NOS1: variants seen among roughly 807,000 people sequenced by gnomAD.
NOS1 encodes nitric oxide synthase 1, also known as NOS type I.
A neutral mutation model predicts 164.5 loss-of-function variants in NOS1; 51 were observed. That is an observed-to-expected ratio of 0.31 (90% CI 0.25 to 0.39). The LOEUF is 0.39. NOS1 is among the 10% of genes least tolerant of loss of function. NOS1 has a pLI of 1.00. For missense variants in NOS1, 1,362 were observed against 1,885.6 expected (o/e 0.72, Z 5.14); for synonymous variants, 719 against 745.8 (o/e 0.96, Z 0.59).
chr12:117,278,041 G>C lies in NOS1; in HGVS notation c.1582C>G (p.Leu528Val). 1 of 1,614,108 alleles carries C rather than the reference G, an allele frequency of 6.2e-7. No individual in the cohort carries two copies. The highest frequency in any genetic ancestry group is 8.5e-7 in the Non-Finnish European group (1 of 1,179,970). The stretch of plus-strand genomic sequence containing the variant: ...GGGTCATTGCCGTTGGCCTGAAGCA[G>C]GAGCGGCAGGACATCGAAGCGGCCT... ...PRGRFDVLPL[L>V]LQANGNDPEL... The change falls in exon 9 of 29, where the codon CTG becomes GTG. Residue 528 changes from leucine (L) to valine (V), a missense_variant. Leu to Val is a conservative substitution (Grantham distance 32, BLOSUM62 1). Coordinates refer to ENST00000317775, the MANE Select transcript of NOS1 (RefSeq NM_000620.5).
chr12:117,234,906 CTATTATTAT>C lies in NOS1; in HGVS notation c.3042-157_3042-149del, dbSNP rs10588671. On this transcript the variant is annotated intron_variant, in intron 20 of 28. Coordinates refer to ENST00000317775, the MANE Select transcript of NOS1 (RefSeq NM_000620.5). This position sits in a 1 kb window ranked among gnomAD's most constrained non-coding sequence, Gnocchi z 4.3. Reference sequence around the variant, plus strand: ...TAACCAAGCCTATGCCCCCATCATTCTATTATTATTATTATTATTATTATTATGGTGAGA... The same window carrying C: ...TAACCAAGCCTATGCCCCCATCATTCTATTATTATTATTATTATGGTGAGA... The C allele has an allele frequency of 7.5e-5, 33 of 439,806 alleles. No homozygotes were observed. The highest frequency in any genetic ancestry group is 2.2e-4 in the East Asian group (6 of 27,322). 27.2% of individuals were successfully genotyped at this position (439,806 alleles called of 1,614,324 possible). A position where few individuals can be genotyped will look rare whatever the true frequency, so the allele number is the denominator to read the frequency against.
intron 16 of NOS1, among the ~76,000 whole-genome samples, chr12:117,257,807 T>C (rs1394728180): frequency 2.0e-5 from 3 of 149,790 alleles, no homozygotes; most frequent in Non-Finnish European, 4.5e-5. Flanking sequence ...ACAGTGCTTT[T>C]TTTTTTTTTT....
At chr12:117,280,085 G>C (rs1873508940) in intron 8 of NOS1, among the ~76,000 whole-genome samples, 1 of 152,182 alleles carries the variant, frequency 6.6e-6, no homozygotes, top group Admixed American at 6.5e-5. Context: ...TGTGGGCATG[G>C]TCCGTATAAG....
intron 6 of NOS1, among the ~76,000 whole-genome samples, chr12:117,285,635 G>A (rs1874058772): frequency 1.3e-5 from 2 of 151,838 alleles, no homozygotes; most frequent in Admixed American, 1.3e-4. Context: ...TACATTTTCT[G>A]TTAGGTTACT....
intron 10 of NOS1, among the ~76,000 whole-genome samples, chr12:117,271,200 G>C (rs546265945): frequency 6.6e-6 from 1 of 151,966 alleles, no homozygotes. Context: ...CAGGCATCAC[G>C]AAGCCCCCCA....
intron 7 of NOS1, among the ~76,000 whole-genome samples, chr12:117,283,024 A>C (rs1873797230): frequency 7.0e-6 from 1 of 143,764 alleles, no homozygotes. Context: ...TGCACAGATT[A>C]TTCCTATAAC....
chr12:117,238,149 C>A (rs1038724599), intron 20 of NOS1, among the ~76,000 whole-genome samples: 3 of 152,104 alleles, frequency 2.0e-5, no homozygotes, highest in African/African-American at 7.2e-5. Flanking sequence ...CCTGTCATGG[C>A]AAGGAGTTTG....
intron 1 of NOS1, among the ~76,000 whole-genome samples, chr12:117,353,249 CATCT>C (rs201583232): frequency 0.011 from 1,603 of 152,248 alleles, 17 homozygotes; most frequent in Non-Finnish European, 0.016. Context: ...ATCTATCAAT[CATCT>C]ATCTACCTAC....
intron 2 of NOS1, among the ~76,000 whole-genome samples, chr12:117,319,416 C>T (rs956203683): frequency 2.0e-5 from 3 of 152,208 alleles, no homozygotes; most frequent in Admixed American, 6.5e-5. Context: ...AGGAGAGGGC[C>T]TTTGGGCTCT....
At chr12:117,353,811 A>T (rs2136096491) in intron 1 of NOS1, among the ~76,000 whole-genome samples, 1 of 152,236 alleles carries the variant, frequency 6.6e-6, no homozygotes, top group Admixed American at 6.5e-5. Context: ...ACGAAAACTA[A>T]ATCTCCACAT....
intron 17 of NOS1, among the ~76,000 whole-genome samples, chr12:117,250,922 T>C (rs1169509499): frequency 2.0e-5 from 3 of 152,194 alleles, no homozygotes; most frequent in African/African-American, 4.8e-5. Context: ...CAATCACTCA[T>C]TTGTGTTTTT....
chr12:117,247,363 G>C lies in NOS1; in HGVS notation c.2808C>G (p.Ala936=), dbSNP rs1314566182. 6.2e-7 allele frequency: 1 copy of C among 1,601,948 alleles called. No homozygotes were observed. The highest frequency in any genetic ancestry group is 2.3e-5 in the East Asian group (1 of 44,152). The change falls in exon 18 of 29, where the codon GCC becomes GCG. Residue 936 remains alanine (A), a synonymous_variant. Coordinates refer to ENST00000317775, the MANE Select transcript of NOS1 (RefSeq NM_000620.5). ...CGQEEAFRTW[A]KKVFKAACDV... ...TCCAGATTACCTTGAAGACCTTCTT[G>C]GCCCAGGTCCTGAAAGCCTCTTCCT...
intron 24 of NOS1, among the ~76,000 whole-genome samples, chr12:117,225,445 G>A (rs877995): frequency 0.15 from 23,308 of 151,972 alleles, 2,273 homozygotes; most frequent in Middle Eastern, 0.32. Context: ...CTCCTTTGTC[G>A]TGGCACTGTC....
At chr12:117,349,196 A>C (rs1258033200) in intron 1 of NOS1, among the ~76,000 whole-genome samples, 1 of 152,264 alleles carries the variant, frequency 6.6e-6, no homozygotes, top group Non-Finnish European at 1.5e-5. Context: ...TGGATACTGC[A>C]TATAAATGAA....
chr12:117,254,993 C>A (rs1871334686), intron 16 of NOS1, among the ~76,000 whole-genome samples: 1 of 152,080 alleles, frequency 6.6e-6, no homozygotes, highest in African/African-American at 2.4e-5. Context: ...TAAATTAATA[C>A]CTAATGCTAA....
In NOS1 at chr12:117,297,413, T is replaced by C. The variant is rs113734454; in HGVS notation, c.853-6987A>G. 3.9e-3 allele frequency among the ~76,000 whole-genome samples: 595 copies of C among 151,144 alleles called. 5 individuals carry two copies. The highest frequency in any genetic ancestry group is 0.013 in the African/African-American group (544 of 41,158). ...AAGGATGGTGGGCTTTTTTTTGAGA[T>C]AGAGTTTTGCTCTTGTTGCCCAGGC... On this transcript the variant is annotated intron_variant, in intron 3 of 28. Transcript: ENST00000317775.
chr12:117,262,078 T>C (rs1188583981), intron 13 of NOS1, among the ~76,000 whole-genome samples: 1 of 152,202 alleles, frequency 6.6e-6, no homozygotes, highest in East Asian at 1.9e-4. Flanking sequence ...GTTAAGTTCA[T>C]TATTTTTTAG....
intron 15 of NOS1, 64 bp from the exon 16 acceptor site, chr12:117,258,519 C>T: frequency 6.5e-7 from 1 of 1,541,082 alleles, no homozygotes; most frequent in South Asian, 1.1e-5. Flanking sequence ...AGGTCGGATA[C>T]TGAGGGTCTG....
chr12:117,303,338 G>A (rs1259317507), intron 3 of NOS1, among the ~76,000 whole-genome samples: 1 of 152,156 alleles, frequency 6.6e-6, no homozygotes, highest in African/African-American at 2.4e-5. Context: ...AGAAGCTGGG[G>A]GGTGCTGTCA....
Sources: gnomAD v4.1 joint callset for allele counts (sites outside exome capture counted in the v4.1 genomes callset) on GRCh38, gnomAD v4.1.1 for gene constraint, Gnocchi (gnomAD v3.1) non-coding constraint, MANE v1.5 for transcripts, NCBI Gene and HGNC (gene_info 2026-07-23, HGNC 2026-07-21) for gene names.